The following UQCC6 variants were observed in gnomAD, a reference collection of about 807,000 sequenced individuals.
UQCC6 encodes the protein ubiquinol-cytochrome c reductase complex assembly factor 6, also known as protein BRAWNIN.
At chr12:103,956,534 T>A in the UQCC6 span, 2 of 792,484 alleles carry the variant, frequency 2.5e-6, no homozygotes, top group East Asian at 5.5e-5. Context: ...TCCAGGAGCA[T>A]CTGCATTGCT....
At chr12:103,956,422 C>T in the UQCC6 span, 1 of 535,246 alleles carries the variant, frequency 1.9e-6, no homozygotes. Context: ...CATGCATTGC[C>T]CTAGATGCAA....
the UQCC6 span, chr12:103,957,303 C>T: frequency 6.7e-6 from 1 of 148,774 alleles, no homozygotes; most frequent in East Asian, 2.0e-4. Flanking sequence ...TGGGAGAAAG[C>T]CAGTGACTTT....
At chr12:103,958,215 C>CAA in the UQCC6 span, among the ~76,000 whole-genome samples, 2 of 108,474 alleles carry the variant, frequency 1.8e-5, no homozygotes, top group Non-Finnish European at 3.9e-5. Flanking sequence ...GACTCCGTCT[C>CAA]AAAAAAAAAA....
chr12:103,962,025 A>T, the UQCC6 span, among the ~76,000 whole-genome samples: 1 of 152,156 alleles, frequency 6.6e-6, no homozygotes, highest in Non-Finnish European at 1.5e-5. Context: ...TACCATCTAG[A>T]TTTGTGGAAG....
chr12:103,965,336 G>A, the UQCC6 span, among the ~76,000 whole-genome samples: 1 of 152,214 alleles, frequency 6.6e-6, no homozygotes, highest in South Asian at 2.1e-4. Context: ...GACGTCAAAC[G>A]TTAATATTCT....
the UQCC6 span, among the ~76,000 whole-genome samples, chr12:103,962,534 G>T: frequency 3.0e-4 from 45 of 152,266 alleles, no homozygotes; most frequent in African/African-American, 1.0e-3. Context: ...CTAAAACAGG[G>T]AAGAGGTGGA....
chr12:103,952,246 T>C, the UQCC6 span, among the ~76,000 whole-genome samples: 3 of 152,220 alleles, frequency 2.0e-5, no homozygotes, highest in Non-Finnish European at 4.4e-5. Context: ...TTTGTCTATA[T>C]AGATTTGCCT....
the UQCC6 span, among the ~76,000 whole-genome samples, chr12:103,954,205 GA>G: frequency 1.3e-5 from 2 of 152,242 alleles, no homozygotes; most frequent in Admixed American, 1.3e-4. Context: ...AAGTTGCAGA[GA>G]AATGTGTACG....
chr12:103,952,768 ATGC>A, the UQCC6 span, among the ~76,000 whole-genome samples: 13 of 152,328 alleles, frequency 8.5e-5, no homozygotes, highest in African/African-American at 3.1e-4. Context: ...GTGGCTAATG[ATGC>A]TGAGCATCTT....
chr12:103,963,773 T>C, the UQCC6 span, among the ~76,000 whole-genome samples: 3 of 152,236 alleles, frequency 2.0e-5, no homozygotes, highest in African/African-American at 7.2e-5. Context: ...TTGATCTTCC[T>C]ATATTGATAT....
the UQCC6 span, among the ~76,000 whole-genome samples, chr12:103,959,801 CTTTTTTTT>C: frequency 1.1e-4 from 11 of 103,566 alleles, no homozygotes; most frequent in Non-Finnish European, 1.6e-4. Flanking sequence ...TTTATTTTTA[CTTTTTTTT>C]TTTTTTTTTT....
chr12:103,954,914 A>G, the UQCC6 span: 1 of 701,420 alleles, frequency 1.4e-6, no homozygotes, highest in Non-Finnish European at 2.6e-6. Flanking sequence ...AAATCGTCTC[A>G]CTAAGCTATG....
the UQCC6 span, chr12:103,953,577 G>T: frequency 1.4e-6 from 1 of 702,252 alleles, no homozygotes; most frequent in Non-Finnish European, 2.6e-6. Flanking sequence ...AGTAATTGCT[G>T]GAGCAAAACC....
chr12:103,951,525 A>G, the UQCC6 span: 1 of 1,496,712 alleles, frequency 6.7e-7, no homozygotes. Flanking sequence ...TGGCATAGTT[A>G]TTTAAGTTCC....
chr12:103,951,562 T>A, the UQCC6 span: 1 of 1,549,896 alleles, frequency 6.5e-7, no homozygotes, highest in South Asian at 1.2e-5. Flanking sequence ...GAGGTTTGTG[T>A]TTTCTTTCTT....
the UQCC6 span, chr12:103,956,196 G>C: frequency 7.4e-6 from 1 of 135,830 alleles, no homozygotes; most frequent in Non-Finnish European, 1.5e-5. Flanking sequence ...TTGAAGTTTT[G>C]AAGAAGGAAA....
the UQCC6 span, among the ~76,000 whole-genome samples, chr12:103,960,127 G>A: frequency 1.3e-5 from 2 of 151,842 alleles, no homozygotes; most frequent in East Asian, 1.9e-4. Flanking sequence ...TCGCTCTGTC[G>A]CCCAGGATGG....
At chr12:103,961,476 T>C in the UQCC6 span, among the ~76,000 whole-genome samples, 2 of 152,020 alleles carry the variant, frequency 1.3e-5, no homozygotes, top group Non-Finnish European at 2.9e-5. Flanking sequence ...CAACAAGGAG[T>C]TCTGCAAACT....
At chr12:103,960,261 C>T in the UQCC6 span, among the ~76,000 whole-genome samples, 1 of 151,856 alleles carries the variant, frequency 6.6e-6, no homozygotes, top group South Asian at 2.1e-4. Flanking sequence ...TTAGTAGAGA[C>T]GGGGTTTCAC....
Sources: allele counts gnomAD v4.1 joint callset (sites outside exome capture counted in the v4.1 genomes callset), GRCh38; gene constraint gnomAD v4.1.1; transcripts MANE v1.5; gene names NCBI Gene and HGNC (gene_info 2026-07-23, HGNC 2026-07-21).